Variants in TFCP2L1 observed in about 807,000 individuals in gnomAD.
The protein encoded by TFCP2L1 is transcription factor CP2-like protein 1.
Under a neutral mutation model 72.2 loss-of-function variants are expected in TFCP2L1, and 12 were observed. That is an observed-to-expected ratio of 0.17 (90% confidence interval 0.11 to 0.27). The LOEUF is 0.27. TFCP2L1 is among the 10% of genes least tolerant of loss of function. The probability of loss-of-function intolerance (pLI) is 1.00; values close to 1 mark genes in which losing one functional copy is unlikely to be tolerated. For synonymous variants in TFCP2L1, 260 were observed against 251.0 expected (o/e 1.04, Z -0.34); for missense variants, 488 against 624.6 (o/e 0.78, Z 2.33).
chr2:121,229,060 C>A (rs112561864), intron 13 of TFCP2L1, among the ~76,000 whole-genome samples: 65 of 152,218 alleles, frequency 4.3e-4, no homozygotes, highest in African/African-American at 1.5e-3. Flanking sequence ...GCTGGGATTA[C>A]AGGCACCCAC....
At chr2:121,231,709 G>T in intron 13 of TFCP2L1, 117 bp downstream of exon 13, 1 of 1,417,682 alleles carries the variant, frequency 7.1e-7, no homozygotes, top group Non-Finnish European at 9.5e-7. Context: ...TGCAGGTGGT[G>T]TGCAGATGAA....
intron 1 of TFCP2L1, among the ~76,000 whole-genome samples, chr2:121,283,960 C>A (rs1396559544): frequency 1.3e-5 from 2 of 152,186 alleles, no homozygotes; most frequent in Non-Finnish European, 2.9e-5. Context: ...TACTTTGGCC[C>A]ATGAATAAAA....
chr2:121,283,771 G>A (rs1687310309), intron 1 of TFCP2L1, among the ~76,000 whole-genome samples: 1 of 152,216 alleles, frequency 6.6e-6, no homozygotes, highest in Admixed American at 6.5e-5. Context: ...CTTAGCCAAA[G>A]CTACAACTAA....
intron 14 of TFCP2L1, among the ~76,000 whole-genome samples, chr2:121,224,801 T>C (rs1047296961): frequency 2.3e-4 from 34 of 146,526 alleles, no homozygotes; most frequent in Non-Finnish European, 1.4e-4. Context: ...GCTAACACAG[T>C]GAAACCCCGT....
chr2:121,241,382 G>A (rs1686363586), intron 7 of TFCP2L1, among the ~76,000 whole-genome samples: 1 of 152,144 alleles, frequency 6.6e-6, no homozygotes, highest in Non-Finnish European at 1.5e-5. Context: ...TGTAATCCCA[G>A]GTACTGGGGG....
intron 7 of TFCP2L1, among the ~76,000 whole-genome samples, chr2:121,241,070 C>T (rs1481576699): frequency 6.6e-6 from 1 of 152,172 alleles, no homozygotes; most frequent in Non-Finnish European, 1.5e-5. Context: ...ACATGGAGGG[C>T]CTTCTGAGGA....
chr2:121,274,071 G>A lies in TFCP2L1; in HGVS notation c.214+7049C>T, dbSNP rs184072837. On this transcript the variant is annotated intron_variant, in intron 2 of 14. Transcript: ENST00000263707. The stretch of plus-strand genomic sequence containing the variant: ...GTCACACCACTGCAATCCAGCCTGG[G>A]CAGCAGAGCGAGACTCTGTCTCCAA... Among the ~76,000 whole-genome samples the A allele has an allele frequency of 3.2e-4, 47 of 147,930 alleles. No individual in the cohort carries two copies. In the East Asian group the frequency reaches 5.2e-3, roughly 16 times the overall value.
chr2:121,251,515 TA>T (rs980780445), intron 2 of TFCP2L1, among the ~76,000 whole-genome samples: 1 of 152,212 alleles, frequency 6.6e-6, no homozygotes, highest in South Asian at 2.1e-4. Context: ...ATCATTGGAT[TA>T]AAAAGTCAAT....
rs1353474865 is a variant in TFCP2L1 at position 121,235,370 on chromosome 2, C to T, written c.1004-59G>A. ...TGGAACCCAGAGAAAGGGCTCGGTC[C>T]CCAACCAGCTGCAGACCCCATAGCA... On this transcript the variant is annotated intron_variant, in intron 10 of 14. Transcript: ENST00000263707. The T allele has an allele frequency of 4.5e-6, 7 of 1,572,908 alleles. No homozygotes were observed. In the African/African-American group the frequency reaches 6.8e-5, roughly 15 times the overall value.
intron 11 of TFCP2L1, 164 bp from the exon 12 acceptor site, chr2:121,234,358 C>T (rs1211831498): frequency 3.1e-6 from 2 of 635,206 alleles, no homozygotes; most frequent in Non-Finnish European, 5.5e-6. Context: ...CCTCCCAGGT[C>T]CCGCAGCCTG....
chr2:121,265,233 G>C (rs1221998682), intron 2 of TFCP2L1, among the ~76,000 whole-genome samples: 1 of 152,182 alleles, frequency 6.6e-6, no homozygotes, highest in Non-Finnish European at 1.5e-5. Flanking sequence ...ACCACCACTT[G>C]TGTGATACCA....
chr2:121,249,421 CAG>C lies in TFCP2L1; in HGVS notation c.291+148_291+149del, dbSNP rs201434058. ...GGCAACAGGCTCCAGAGAAGCCAAA[CAG>C]GGGCTGCGTCTCACCGTTGAGGGCT... On this transcript the variant is annotated intron_variant, in intron 3 of 14. Coordinates refer to ENST00000263707, the MANE Select transcript of TFCP2L1 (RefSeq NM_014553.3). 2.9e-4 allele frequency: 200 copies of C among 694,204 alleles called. No homozygotes were observed. In the African/African-American group the frequency reaches 3.1e-3, roughly 11 times the overall value. The allele number at this position is 694,204 out of a possible 1,614,324, so 43.0% of individuals were successfully genotyped here.
Position 121,281,157 on chromosome 2 carries a change from C to T in TFCP2L1, c.177G>A (p.Val59=). 6.2e-7 allele frequency: 1 copy of T among 1,613,938 alleles called. No individual in the cohort carries two copies. The highest frequency in any genetic ancestry group is 1.1e-5 in the South Asian group (1 of 91,080). ...AGGTCAGCGTCTCTTCATGCAGCTT[C>T]ACGGCTGGGGACGTGGCAGCACACA... ...YVLCAATSPA[V]KLHEETLTYL... The change falls in exon 2 of 15, where the codon GTG becomes GTA. Residue 59 remains valine, a synonymous_variant. Coordinates refer to ENST00000263707, the MANE Select transcript of TFCP2L1 (RefSeq NM_014553.3).
chr2:121,243,694 A>C (rs1272264938), intron 6 of TFCP2L1, among the ~76,000 whole-genome samples: 1 of 151,704 alleles, frequency 6.6e-6, no homozygotes, highest in East Asian at 1.9e-4. Context: ...TCCTTATAAG[A>C]ATCTAATGCC....
chr2:121,249,828 C>T (rs1347407920), intron 2 of TFCP2L1, among the ~76,000 whole-genome samples, 181 bp from the exon 3 acceptor site: 1 of 152,246 alleles, frequency 6.6e-6, no homozygotes, highest in Non-Finnish European at 1.5e-5. Context: ...TCAGTCTGTC[C>T]ACCCCGCCAG....
At chr2:121,242,182 G>A (rs571557474) in intron 7 of TFCP2L1, among the ~76,000 whole-genome samples, 177 bp downstream of exon 7, 1 of 151,088 alleles carries the variant, frequency 6.6e-6, no homozygotes, top group East Asian at 2.0e-4. Flanking sequence ...AATACCTCCC[G>A]GGCCACTGGG....
At chr2:121,265,615 C>G (rs568096156) in intron 2 of TFCP2L1, among the ~76,000 whole-genome samples, 2 of 152,082 alleles carry the variant, frequency 1.3e-5, no homozygotes, top group East Asian at 3.9e-4. Context: ...TCCCAAGTAT[C>G]TGGGATTACA....
chr2:121,275,045 C>A (rs955958869), intron 2 of TFCP2L1, among the ~76,000 whole-genome samples: 3 of 152,006 alleles, frequency 2.0e-5, no homozygotes, highest in Non-Finnish European at 4.4e-5. Flanking sequence ...TTTTTTCCAG[C>A]AGTTATGACA....
At position 121,225,622 on chromosome 2, in the gene TFCP2L1, C is replaced by G; in HGVS notation, c.1342-9G>C. On this transcript the variant is annotated splice_polypyrimidine_tract_variant and intron_variant, in intron 13 of 14. Transcript: ENST00000263707. The stretch of plus-strand genomic sequence containing the variant: ...TGGAAGTTCTGCACCATCTGAGAGA[C>G]AAAAGAGAGAACATGTTCCTTCAAC... 6.2e-7 allele frequency: 1 copy of G among 1,614,036 alleles called. No individual in the cohort carries two copies.
Sources: allele counts gnomAD v4.1 joint callset (sites outside exome capture counted in the v4.1 genomes callset), GRCh38; gene constraint gnomAD v4.1.1; transcripts MANE v1.5; gene names NCBI Gene and HGNC (gene_info 2026-07-23, HGNC 2026-07-21).